Variants in PTPRF observed in about 807,000 individuals in gnomAD.
The protein encoded by PTPRF is receptor-type tyrosine-protein phosphatase F.
Under a neutral mutation model 201.8 loss-of-function variants are expected in PTPRF, and 59 were observed. The ratio of observed to expected loss-of-function variants is 0.29; its 90% CI spans 0.24 to 0.36. The LOEUF (loss-of-function observed/expected upper bound fraction) is 0.36, where lower values mean the gene tolerates loss of function less well. Among genes scored for constraint, PTPRF ranks in the 10% least tolerant of loss-of-function variants. PTPRF has a pLI of 1.00. For synonymous variants in PTPRF, 1,088 were observed against 1,089.7 expected, an observed-to-expected ratio of 1.00 and a Z score of 0.03; for missense variants, 2,132 against 2,690.5, an observed-to-expected ratio of 0.79 and a Z score of 4.59.
chr1:43,619,815 G>A lies in PTPRF; in HGVS notation c.5068G>A (p.Glu1690Lys). Residue 1690 changes from glutamate (E) to lysine (K), a missense_variant, in exon 29 of 34, where the codon GAG becomes AAG. Around this residue, in one of 6 missense-constraint regions of PTPRF, gnomAD observed 519 missense variants for 659.5 expected, o/e 0.79. Transcript: ENST00000359947. ...RVCLQPIRGV[E>K]GSDYINASFL... is the part of the protein sequence containing the mutation. ...GTGTCTGCAGCCCATCCGTGGTGTG[G>A]AGGGCTCTGACTACATCAATGCCAG... is the stretch of plus-strand genomic sequence containing the variant. The A allele has an allele frequency of 6.2e-7, 1 of 1,614,238 alleles. No individual in the cohort carries two copies. Among genetic ancestry groups the A allele is most frequent in the East Asian group, 2.2e-5 (1 of 44,892 alleles).
At chr1:43,621,542 A>G (rs555511865) in intron 33 of PTPRF, among the ~76,000 whole-genome samples, 5 of 152,206 alleles carry the variant, frequency 3.3e-5, no homozygotes, top group Admixed American at 2.0e-4. Flanking sequence ...AAATGCTGCA[A>G]CATTGCCTGT....
chr1:43,619,342 G>A lies in PTPRF; in HGVS notation c.4701G>A (p.Arg1567=). The A allele has an allele frequency of 6.2e-7, 1 of 1,613,954 alleles. No homozygotes were observed. Among genetic ancestry groups the A allele is most frequent in the East Asian group, 2.2e-5 (1 of 44,882 alleles). ...CFIVIDAMLE[R]MKHEKTVDIY... Reference sequence around the variant, plus strand: ...TCGTGATTGATGCCATGTTGGAGCGGATGAAGCACGAGAAGACGGTGGACA... The same window carrying A: ...TCGTGATTGATGCCATGTTGGAGCGAATGAAGCACGAGAAGACGGTGGACA... The change falls in exon 28 of 34, where the codon CGG becomes CGA. Residue 1567 remains arginine (R), a synonymous_variant. Coordinates refer to ENST00000359947, the MANE Select transcript of PTPRF (RefSeq NM_002840.5).
upstream of PTPRF, among the ~76,000 whole-genome samples, chr1:43,526,259 T>C (rs1432959943): frequency 6.6e-6 from 1 of 152,030 alleles, no homozygotes; most frequent in Non-Finnish European, 1.5e-5. Flanking sequence ...CCTGTATCAT[T>C]TCTCCCTGCC....
At chr1:43,602,013 C>T in intron 13 of PTPRF, 58 bp from the exon 14 acceptor site, 2 of 1,578,758 alleles carry the variant, frequency 1.3e-6, no homozygotes, top group Non-Finnish European at 8.7e-7. Context: ...GCCAGGCCCT[C>T]TCCAGGTCAG....
rs886198606 is a variant in PTPRF, at chr1:43,617,514, T to G, written c.4141T>G (p.Tyr1381Asp). ...NLEVNKPKNR[Y>D]ANVIAYDHSR... Reference sequence around the variant, plus strand: ...GGAGGTGAACAAGCCCAAGAACCGCTATGCGAATGTCATCGCCTACGACCA... The same window carrying G: ...GGAGGTGAACAAGCCCAAGAACCGCGATGCGAATGTCATCGCCTACGACCA... The change falls in exon 24 of 34, where the codon TAT becomes GAT. Residue 1381 changes from tyrosine to aspartate, a missense_variant. By Grantham distance (160) the Tyr-to-Asp change is radical (BLOSUM62 -3). Around this residue, in one of 6 missense-constraint regions of PTPRF, gnomAD observed 818 missense variants for 915.3 expected, o/e 0.89. Transcript: ENST00000359947. 1 of 1,614,042 alleles carries G rather than the reference T, an allele frequency of 6.2e-7. No individual in the cohort carries two copies. Among genetic ancestry groups the G allele is most frequent in the Non-Finnish European group, 8.5e-7 (1 of 1,180,024 alleles).
chr1:43,594,164 C>T (rs1651617793), intron 11 of PTPRF, among the ~76,000 whole-genome samples: 1 of 152,004 alleles, frequency 6.6e-6, no homozygotes, highest in Non-Finnish European at 1.5e-5. Context: ...GGAATGAATC[C>T]ATGAATACAA....
At chr1:43,592,432 A>G (rs1039354230) in intron 10 of PTPRF, 25 bp from the exon 11 acceptor site, 1 of 1,588,726 alleles carries the variant, frequency 6.3e-7, no homozygotes, top group Non-Finnish European at 8.6e-7. Context: ...CAGAGCTGTC[A>G]GTGAGTGCTC....
chr1:43,565,737 T>C (rs1272340470), intron 5 of PTPRF, among the ~76,000 whole-genome samples: 1 of 152,088 alleles, frequency 6.6e-6, no homozygotes, highest in Non-Finnish European at 1.5e-5. Flanking sequence ...GAAAGCCTAG[T>C]GGGAGGATTC....
chr1:43,582,155 G>A (rs528662264), intron 7 of PTPRF, among the ~76,000 whole-genome samples: 6 of 152,312 alleles, frequency 3.9e-5, no homozygotes, highest in East Asian at 1.9e-4. Flanking sequence ...AGGGCTCCCA[G>A]TGTCGCTCTC....
At chr1:43,541,047 CTCCCTGCCGACAGGCTCT>C (rs1356023859) in intron 2 of PTPRF, among the ~76,000 whole-genome samples, 1 of 152,224 alleles carries the variant, frequency 6.6e-6, no homozygotes, top group Non-Finnish European at 1.5e-5. Flanking sequence ...GCTCAGAGCT[CTCCCTGCCGACAGGCTCT>C]TCCCTTCCTG....
At chr1:43,605,504 C>T (rs762389223) in intron 18 of PTPRF, 25 bp from the exon 19 acceptor site, 65 of 1,613,786 alleles carry the variant, frequency 4.0e-5, no homozygotes, top group Admixed American at 6.7e-5. Flanking sequence ...CAGTGACAGT[C>T]CTGATTCCTG....
At chr1:43,612,756 T>G (rs1393101425) in intron 22 of PTPRF, 10 of 1,365,050 alleles carry the variant, frequency 7.3e-6, no homozygotes, top group Non-Finnish European at 8.8e-6. Flanking sequence ...TTGTTTGTTT[T>G]TTTCTCTGCA....
Position 43,606,286 on chromosome 1 carries a change from G to GGCGGCA in PTPRF, c.3532_3537dup (p.Arg1178_Gln1179dup). 1 of 1,613,820 alleles carries GGCGGCA rather than the reference G, an allele frequency of 6.2e-7. No individual in the cohort carries two copies. The highest frequency in any genetic ancestry group is 8.5e-7 in the Non-Finnish European group (1 of 1,179,972). ...GGCGGAGAGGAGCAGCGGCGGCGGC[G>GGCGGCA]GCGGCAGGCAGAACGTCTGAAGCCA... On this transcript the variant is annotated inframe_insertion, in exon 20 of 34. Coordinates refer to ENST00000359947, the MANE Select transcript of PTPRF (RefSeq NM_002840.5).
intron 22 of PTPRF, chr1:43,612,752 GT>G (rs769373327): frequency 1.5e-6 from 2 of 1,364,240 alleles, no homozygotes; most frequent in Admixed American, 1.9e-5. Flanking sequence ...TTGTTTGTTT[GT>G]TTTTTTCTCT....
upstream of PTPRF, among the ~76,000 whole-genome samples, chr1:43,530,336 A>T (rs1231142656): frequency 6.6e-6 from 1 of 151,852 alleles, no homozygotes; most frequent in African/African-American, 2.4e-5. The surrounding 1 kb of genome is among the most constrained non-coding windows in gnomAD (Gnocchi z 4.1). Context: ...TCATTTAGGG[A>T]CTGGGGGCTG....
chr1:43,551,005 G>GCTTTGTCTGCCATAA (rs1644996027), intron 3 of PTPRF, among the ~76,000 whole-genome samples: 1 of 152,228 alleles, frequency 6.6e-6, no homozygotes, highest in Non-Finnish European at 1.5e-5. Flanking sequence ...AGACCCCGCG[G>GCTTTGTCTGCCATAA]CTTTGTCTGC....
At position 43,597,995 on chromosome 1, in the gene PTPRF, C is replaced by A; in HGVS notation, c.2061C>A (p.His687Gln). The A allele has an allele frequency of 6.5e-7, 1 of 1,537,036 alleles. No individual in the cohort carries two copies. Residue 687 changes from histidine (H) to glutamine (Q), a missense_variant, in exon 12 of 34, where the codon CAC (histidine) becomes CAA (glutamine). By Grantham distance (24) the His-to-Gln change is conservative. Transcript: ENST00000359947. The part of the protein sequence containing the change: ...WTEYRVWVRA[H>Q]TDVGPGPESS... ...AGTACCGGGTGTGGGTGCGGGCACA[C>A]ACAGACGTGGGCCCCGGCCCCGAGA...
In PTPRF at chr1:43,619,192, G is replaced by A; in HGVS notation, c.4636G>A (p.Val1546Met). The A allele has an allele frequency of 1.2e-6, 2 of 1,611,910 alleles. No individual in the cohort carries two copies. The highest frequency in any genetic ancestry group is 1.7e-6 in the Non-Finnish European group (2 of 1,179,256). Residue 1546 changes from valine to methionine, a missense_variant, in exon 27 of 34, where the codon GTG becomes ATG. Around this residue, in one of 6 missense-constraint regions of PTPRF, gnomAD observed 519 missense variants for 659.5 expected, o/e 0.79. Coordinates refer to ENST00000359947, the MANE Select transcript of PTPRF (RefSeq NM_002840.5). ...CNPLDAGPMV[V>M]HCSAGVGRTG... ...CCCCCTAGACGCAGGGCCCATGGTG[G>A]TGCACTGCAGGTGAGAGGGTACAGT...
chr1:43,557,915 G>A (rs1271047465), intron 5 of PTPRF, among the ~76,000 whole-genome samples: 3 of 152,192 alleles, frequency 2.0e-5, no homozygotes, highest in Non-Finnish European at 4.4e-5. Context: ...TGACAGAAAG[G>A]CGTGCCGCAG....
Sources: gnomAD v4.1 joint callset for allele counts (sites outside exome capture counted in the v4.1 genomes callset) on GRCh38, gnomAD v4.1.1 for gene constraint, gnomAD v4.1.1 regional missense constraint, Gnocchi (gnomAD v3.1) non-coding constraint, MANE v1.5 for transcripts, NCBI Gene and HGNC (gene_info 2026-07-23, HGNC 2026-07-21) for gene names.